Variants in RPTOR observed in about 807,000 individuals in gnomAD.
RPTOR encodes regulatory-associated protein of mTOR.
Under a neutral mutation model 169.9 loss-of-function variants are expected in RPTOR, and 21 were observed. The observed-to-expected ratio is 0.12, with a 90% CI of 0.09 to 0.18. The LOEUF (loss-of-function observed/expected upper bound fraction) is 0.18. Among genes scored for constraint, RPTOR ranks in the 10% least tolerant of loss-of-function variants. The pLI is 1.00. For synonymous variants in RPTOR, 732 were observed against 753.2 expected, an observed-to-expected ratio of 0.97 and a Z score of 0.46; for missense variants, 1,133 against 1,855.9, an observed-to-expected ratio of 0.61 and a Z score of 7.16.
At chr17:80,700,644 TGGTGATGGTAGA>T (rs2066084052) in intron 3 of RPTOR, among the ~76,000 whole-genome samples, 1 of 148,298 alleles carries the variant, frequency 6.7e-6, no homozygotes, top group East Asian at 2.0e-4. Flanking sequence ...ATGATGGTGG[TGGTGATGGTAGA>T]GATGATGGTG....
At position 80,860,945 on chromosome 17, in the gene RPTOR, G is replaced by C. The variant is rs943098754; in HGVS notation, c.1509+3045G>C. Reference sequence around the variant, plus strand: ...CTGCTCTTCCTCTCAGCACAGCTGAGGTTGACCTTGACCTCAGTTCAACCT... The same window carrying C: ...CTGCTCTTCCTCTCAGCACAGCTGACGTTGACCTTGACCTCAGTTCAACCT... On this transcript the variant is annotated intron_variant, in intron 13 of 33. Transcript: ENST00000306801. This position sits in a 1 kb window ranked among gnomAD's most constrained non-coding sequence, Gnocchi z 5.8. 1.9e-5 allele frequency among the ~76,000 whole-genome samples: 2 copies of C among 106,578 alleles called. 1 individual carries two copies. The highest frequency in any genetic ancestry group is 5.4e-5 in the African/African-American group (2 of 37,130). The allele number at this position is 106,578 out of a possible 152,430, so 69.9% of individuals were successfully genotyped here.
chr17:80,810,035 G>A (rs758149162), intron 7 of RPTOR, among the ~76,000 whole-genome samples: 5 of 150,234 alleles, frequency 3.3e-5, no homozygotes, highest in South Asian at 4.2e-4. Flanking sequence ...ACAACAGAGC[G>A]AGACTCCATC....
At chr17:80,616,593 G>A (rs1414535854) in intron 1 of RPTOR, among the ~76,000 whole-genome samples, 4 of 152,086 alleles carry the variant, frequency 2.6e-5, no homozygotes, top group Non-Finnish European at 5.9e-5. Flanking sequence ...CACCGCACCC[G>A]GCCTGAAAGT....
At chr17:80,783,552 A>C (rs990685906) in intron 6 of RPTOR, among the ~76,000 whole-genome samples, 1 of 152,264 alleles carries the variant, frequency 6.6e-6, no homozygotes, top group Non-Finnish European at 1.5e-5. Flanking sequence ...CCCAAATGGC[A>C]GAGCCCTTGC....
rs35843489 is a variant in RPTOR at position 80,609,773 on chromosome 17, TTGTGTGTGTGTGTGTG to T, written c.163-15898_163-15883del. Among the ~76,000 whole-genome samples the T allele has an allele frequency of 2.1e-5, 3 of 143,252 alleles. No homozygotes were observed. Among genetic ancestry groups the T allele is most frequent in the African/African-American group, 5.2e-5 (2 of 38,692 alleles). 94.0% of individuals were successfully genotyped at this position (143,252 alleles called of 152,430 possible). On this transcript the variant is annotated intron_variant, in intron 1 of 33. Transcript: ENST00000306801. This position sits in a 1 kb window ranked among gnomAD's most constrained non-coding sequence, Gnocchi z 4.8. ...AAAAAAAAAAAGTTTAAGGTGTTGG[TTGTGTGTGTGTGTGTG>T]TGTGTGTGTGTGTGTGTGTTAAGAG...
intron 3 of RPTOR, among the ~76,000 whole-genome samples, chr17:80,673,243 A>G (rs1186934689): frequency 6.6e-6 from 1 of 152,192 alleles, no homozygotes; most frequent in African/African-American, 2.4e-5. Flanking sequence ...TAACAGAAGG[A>G]AAAATACGTT....
chr17:80,611,911 T>C (rs775759153), intron 1 of RPTOR, among the ~76,000 whole-genome samples: 5 of 152,234 alleles, frequency 3.3e-5, no homozygotes, highest in Admixed American at 6.5e-5. Flanking sequence ...TAGGTTTTGC[T>C]GAGTGTTTCC....
chr17:80,728,022 G>A (rs2066354832), intron 4 of RPTOR, among the ~76,000 whole-genome samples: 1 of 152,150 alleles, frequency 6.6e-6, no homozygotes, highest in African/African-American at 2.4e-5. Context: ...TGAATGGATG[G>A]GCGGATGGAT....
chr17:80,671,236 G>A (rs901405121), intron 3 of RPTOR, among the ~76,000 whole-genome samples: 1 of 152,078 alleles, frequency 6.6e-6, no homozygotes, highest in Admixed American at 6.5e-5. Flanking sequence ...TGTGCTGCCC[G>A]GCAGCCGATG....
intron 2 of RPTOR, among the ~76,000 whole-genome samples, chr17:80,627,528 A>G (rs2065405500): frequency 6.6e-6 from 1 of 152,082 alleles, no homozygotes; most frequent in Admixed American, 6.5e-5. Flanking sequence ...TTTTCCTTTT[A>G]CAGAATGTCA....
chr17:80,681,662 G>GT (rs1567854330), intron 3 of RPTOR, among the ~76,000 whole-genome samples: 131 of 85,092 alleles, frequency 1.5e-3, no homozygotes, highest in African/African-American at 3.4e-3. Context: ...CCTTCATGAG[G>GT]TGTACGTCTC....
At position 80,833,309 on chromosome 17, in the gene RPTOR, T is replaced by C. The variant is rs147466890; in HGVS notation, c.1137-4613T>C. On this transcript the variant is annotated intron_variant, in intron 9 of 33. Coordinates refer to ENST00000306801, the MANE Select transcript of RPTOR (RefSeq NM_020761.3). ...CTTAGAAAGTCCCTCTGCCCCCAGC[T>C]GCTGGGGGGGAGGAGCCCACGATGC... Among the ~76,000 whole-genome samples the C allele has an allele frequency of 4.6e-3, 700 of 152,284 alleles. 4 individuals carry two copies. Among genetic ancestry groups the C allele is most frequent in the African/African-American group, 0.016 (649 of 41,568 alleles).
Position 80,922,782 on chromosome 17 carries a change from C to T in RPTOR, c.2579C>T (p.Ala860Val), listed in dbSNP as rs2143977930. The T allele has an allele frequency of 6.3e-7, 1 of 1,585,942 alleles. No individual in the cohort carries two copies. The highest frequency in any genetic ancestry group is 8.5e-7 in the Non-Finnish European group (1 of 1,170,720). The change falls in exon 22 of 34, where the codon GCC becomes GTC. Residue 860 changes from alanine to valine, a missense_variant. By Grantham distance (64) the Ala-to-Val change is moderately conservative. Coordinates refer to ENST00000306801, the MANE Select transcript of RPTOR (RefSeq NM_020761.3). ...VLDTSSLTQS[A>V]PASPTNKGVH... Reference sequence around the variant, plus strand: ...GACACCTCCTCCCTCACGCAGTCGGCCCCCGCCAGCCCCACCAACAAGGGC... The same window carrying T: ...GACACCTCCTCCCTCACGCAGTCGGTCCCCGCCAGCCCCACCAACAAGGGC...
intron 1 of RPTOR, among the ~76,000 whole-genome samples, chr17:80,583,614 C>T (rs1021209775): frequency 2.0e-5 from 3 of 152,180 alleles, no homozygotes; most frequent in African/African-American, 2.4e-5. Context: ...GGAGCCGTCC[C>T]GCCTCTTGCC....
At position 80,904,780 on chromosome 17, in the gene RPTOR, G is replaced by A. The variant is rs565304089; in HGVS notation, c.2402-4031G>A. ...TTTACAACAGGACAGTTCATACAACGGAGCCTGAGAGAAGATTGTGGCCAA... is the reference window on the plus strand; with the variant it reads ...TTTACAACAGGACAGTTCATACAACAGAGCCTGAGAGAAGATTGTGGCCAA... On this transcript the variant is annotated intron_variant, in intron 20 of 33. Coordinates refer to ENST00000306801, the MANE Select transcript of RPTOR (RefSeq NM_020761.3). Among the ~76,000 whole-genome samples the A allele has an allele frequency of 1.3e-4, 20 of 152,250 alleles. No homozygotes were observed. The East Asian group carries it at 2.3e-3, about 18-fold the overall frequency.
At chr17:80,589,274 G>A (rs998502398) in intron 1 of RPTOR, among the ~76,000 whole-genome samples, 2 of 152,150 alleles carry the variant, frequency 1.3e-5, no homozygotes, top group African/African-American at 4.8e-5. Context: ...CGGGAACTAA[G>A]GGCTGAGACG....
At chr17:80,867,362 T>TAA (rs35953303) in intron 13 of RPTOR, among the ~76,000 whole-genome samples, 123 of 147,788 alleles carry the variant, frequency 8.3e-4, no homozygotes, top group Admixed American at 2.4e-3. Flanking sequence ...ACTTCTGATT[T>TAA]AAAAAAAAAA....
chr17:80,709,359 C>G (rs1018752823), intron 4 of RPTOR, among the ~76,000 whole-genome samples: 4 of 152,220 alleles, frequency 2.6e-5, no homozygotes, highest in Admixed American at 2.6e-4. Context: ...GCGCCTGGCA[C>G]AGTGAATTTG....
Position 80,746,953 on chromosome 17 carries a change from C to T in RPTOR, c.655-7057C>T, listed in dbSNP as rs918761166. 2.6e-5 allele frequency among the ~76,000 whole-genome samples: 4 copies of T among 151,704 alleles called. No individual in the cohort carries two copies. The highest frequency in any genetic ancestry group is 9.7e-5 in the African/African-American group (4 of 41,272). ...TAGGTTCTGGGTGGGTGCGGTGGGT[C>T]AGGCCTGTAACCCCAGAACTTCGGG... On this transcript the variant is annotated intron_variant, in intron 5 of 33. Coordinates refer to ENST00000306801, the MANE Select transcript of RPTOR (RefSeq NM_020761.3). The surrounding 1 kb of genome is among the most constrained non-coding windows in gnomAD (Gnocchi z 4.5).
Sources: gnomAD v4.1 joint callset for allele counts (sites outside exome capture counted in the v4.1 genomes callset) on GRCh38, gnomAD v4.1.1 for gene constraint, Gnocchi (gnomAD v3.1) non-coding constraint, MANE v1.5 for transcripts, NCBI Gene and HGNC (gene_info 2026-07-23, HGNC 2026-07-21) for gene names.